KAZN: variants seen among roughly 807,000 people sequenced by gnomAD.
KAZN encodes kazrin, periplakin interacting protein, also known as kazrin.
A neutral mutation model predicts 87.4 loss-of-function variants in KAZN; 40 were observed. The observed-to-expected ratio is 0.46, with a 90% confidence interval of 0.36 to 0.60. KAZN has a LOEUF of 0.60. Among genes scored for constraint, KAZN ranks in the 20% least tolerant of loss-of-function variants. The probability of loss-of-function intolerance (pLI) is 0.00; values close to 1 mark genes in which losing one functional copy is unlikely to be tolerated. For synonymous variants in KAZN, 466 were observed against 458.3 expected, an observed-to-expected ratio of 1.02 and a Z score of -0.22; for missense variants, 898 against 1,073.9, an observed-to-expected ratio of 0.84 and a Z score of 2.29.
intron 2 of KAZN, among the ~76,000 whole-genome samples, chr1:14,259,545 C>A (rs1650848352): frequency 1.3e-5 from 2 of 152,182 alleles, no homozygotes. Flanking sequence ...CCTGGCAAGA[C>A]CTCCGTCCAT....
intron 2 of KAZN, among the ~76,000 whole-genome samples, chr1:14,519,900 C>A (rs1671494609): frequency 6.6e-6 from 1 of 152,062 alleles, no homozygotes; most frequent in Non-Finnish European, 1.5e-5. Context: ...GAAGTCAGAA[C>A]ATAGAGTGTC....
chr1:14,463,380 T>A (rs1023109765), intron 2 of KAZN, among the ~76,000 whole-genome samples: 1 of 152,174 alleles, frequency 6.6e-6, no homozygotes, highest in African/African-American at 2.4e-5. Context: ...ACAAGTCCTG[T>A]GGGTCTCCTA....
chr1:14,069,302 TG>T (rs1483653887), intron 1 of KAZN, among the ~76,000 whole-genome samples: 2 of 152,166 alleles, frequency 1.3e-5, no homozygotes, highest in Non-Finnish European at 2.9e-5. Flanking sequence ...TTATGCAATG[TG>T]GGTAGCAGGG....
chr1:14,180,821 G>T (rs1646181988), intron 2 of KAZN, among the ~76,000 whole-genome samples: 1 of 152,154 alleles, frequency 6.6e-6, no homozygotes, highest in South Asian at 2.1e-4. Context: ...CAGTATATTT[G>T]TTGTCTCTGA....
At chr1:14,622,622 C>T (rs919350719) in intron 1 of KAZN, among the ~76,000 whole-genome samples, 10 of 145,910 alleles carry the variant, frequency 6.9e-5, no homozygotes, top group South Asian at 6.5e-4. Context: ...ACCTGGGGGG[C>T]GGAGCTTGCA....
intron 3 of KAZN, among the ~76,000 whole-genome samples, chr1:15,041,294 C>A (rs933814764): frequency 1.2e-4 from 18 of 150,516 alleles, no homozygotes; most frequent in African/African-American, 4.4e-4. Context: ...TGCAGCCCCT[C>A]CTCTCCCCTC....
intron 2 of KAZN, among the ~76,000 whole-genome samples, chr1:14,198,538 T>G (rs1241665870): frequency 6.6e-6 from 1 of 151,886 alleles, no homozygotes; most frequent in African/African-American, 2.4e-5. Flanking sequence ...AGGTGGAGAT[T>G]GCGGTGAGCT....
intron 1 of KAZN, among the ~76,000 whole-genome samples, chr1:14,060,064 A>G (rs4661468): frequency 0.94 from 143,359 of 152,258 alleles, 67,599 homozygotes; most frequent in African/African-American, 0.98. Context: ...CCATGATTGT[A>G]TAGTTCTTTT....
intron 2 of KAZN, among the ~76,000 whole-genome samples, chr1:14,332,175 T>C (rs1368648479): frequency 6.6e-6 from 1 of 152,308 alleles, no homozygotes; most frequent in East Asian, 1.9e-4. Flanking sequence ...CTGGCTCTGG[T>C]TCATCAGTTT....
At chr1:14,798,664 G>A (rs1645908799) in intron 1 of KAZN, among the ~76,000 whole-genome samples, 1 of 151,972 alleles carries the variant, frequency 6.6e-6, no homozygotes, top group South Asian at 2.1e-4. Context: ...TCGATCTCCC[G>A]ACCTCATGAT....
At chr1:14,211,754 C>A (rs910950664) in intron 2 of KAZN, among the ~76,000 whole-genome samples, 1 of 152,026 alleles carries the variant, frequency 6.6e-6, no homozygotes, top group Non-Finnish European at 1.5e-5. Context: ...TGCTACAAAT[C>A]GGGGCTTCTC....
At chr1:14,679,216 A>G (rs893077750) in intron 1 of KAZN, among the ~76,000 whole-genome samples, 2 of 152,126 alleles carry the variant, frequency 1.3e-5, no homozygotes, top group African/African-American at 4.8e-5. Context: ...CCGCATGAGG[A>G]AGTACCAGGG....
At chr1:14,802,318 T>G (rs1646059983) in intron 1 of KAZN, among the ~76,000 whole-genome samples, 1 of 151,422 alleles carries the variant, frequency 6.6e-6, no homozygotes, top group East Asian at 2.0e-4. Flanking sequence ...GCAAGAGAAC[T>G]GCTTGAACCC....
chr1:15,044,025 A>T lies in KAZN; in HGVS notation c.592A>T (p.Lys198Ter). The change falls in exon 4 of 15, where the codon AAG becomes TAG. Residue 198 changes from lysine to a stop codon, truncating the protein, a stop_gained. Transcript: ENST00000376030. LOFTEE classifies it high-confidence loss of function. ...EDAVKALAKE[K>*]DLLEREKWEL... is the part of the protein sequence containing the mutation. The stretch of plus-strand genomic sequence containing the variant: ...TGCGGTCAAAGCGCTGGCCAAGGAG[A>T]AGGACCTGCTGGAGCGTGAGAAGTG... 1 of 1,612,054 alleles carries T rather than the reference A, an allele frequency of 6.2e-7. No individual in the cohort carries two copies. The highest frequency in any genetic ancestry group is 8.5e-7 in the Non-Finnish European group (1 of 1,179,620).
intron 2 of KAZN, among the ~76,000 whole-genome samples, chr1:14,521,673 C>A (rs958149980): frequency 6.6e-6 from 1 of 152,134 alleles, no homozygotes; most frequent in Admixed American, 6.5e-5. Flanking sequence ...GCCTACAGTC[C>A]GTAAAAGACC....
At chr1:14,744,382 C>T (rs1644203132) in intron 1 of KAZN, among the ~76,000 whole-genome samples, 2 of 152,084 alleles carry the variant, frequency 1.3e-5, no homozygotes, top group Non-Finnish European at 2.9e-5. Flanking sequence ...TGGCTAATCC[C>T]TGATGGTGGT....
At chr1:14,587,295 G>T (rs547749892) in intron 2 of KAZN, among the ~76,000 whole-genome samples, 2 of 151,968 alleles carry the variant, frequency 1.3e-5, no homozygotes, top group African/African-American at 4.8e-5. Flanking sequence ...AATCATCCGG[G>T]TGTGGTGGCA....
At chr1:14,581,348 C>A (rs937466652) in intron 2 of KAZN, among the ~76,000 whole-genome samples, 2 of 152,170 alleles carry the variant, frequency 1.3e-5, no homozygotes, top group African/African-American at 4.8e-5. Context: ...TGCATTTAGC[C>A]TGTCAGCAAA....
chr1:14,538,909 G>T (rs1672651769), intron 2 of KAZN, among the ~76,000 whole-genome samples: 1 of 152,168 alleles, frequency 6.6e-6, no homozygotes, highest in Admixed American at 6.5e-5. Flanking sequence ...GGGGTCCTGG[G>T]TGCCCCTTGC....
Sources: gnomAD v4.1 joint callset for allele counts (sites outside exome capture counted in the v4.1 genomes callset) on GRCh38, gnomAD v4.1.1 for gene constraint, MANE v1.5 for transcripts, NCBI Gene and HGNC (gene_info 2026-07-23, HGNC 2026-07-21) for gene names.